Variants in KIAA1549L observed in about 807,000 individuals in gnomAD.
KIAA1549L encodes the protein UPF0606 protein KIAA1549L.
KIAA1549L carries 88 observed loss-of-function variants against 160.7 expected under a neutral mutation model. The ratio of observed to expected loss-of-function variants is 0.55; its 90% CI spans 0.46 to 0.65. KIAA1549L has a LOEUF of 0.65. Among genes scored for constraint, KIAA1549L ranks in the 30% least tolerant of loss-of-function variants. The pLI is 0.00. For synonymous variants in KIAA1549L, 950 were observed against 976.7 expected (o/e 0.97, Z 0.51); for missense variants, 2,258 against 2,437.5 (o/e 0.93, Z 1.55).
intron 1 of KIAA1549L, among the ~76,000 whole-genome samples, chr11:33,380,988 AAGGCCTGTTCTCAC>A (rs1024916963): frequency 2.0e-5 from 3 of 151,906 alleles, no homozygotes; most frequent in Non-Finnish European, 4.4e-5. Flanking sequence ...GAACAAAAAC[AAGGCCTGTTCTCAC>A]AGGGATTAGA....
chr11:33,609,759 C>T lies in KIAA1549L; in HGVS notation c.5072C>T (p.Ala1691Val), dbSNP rs1419044157. The part of the protein sequence containing the change: ...SAVLNGEVNK[A>V]LKQKSDIEHY... ...TGCCTCTCTCCCCAGGTGAACAAAG[C>T]CCTGAAGCAGAAGTCAGACATCGAG... Residue 1691 changes from alanine (A) to valine (V), a missense_variant, in exon 15 of 21, where the codon GCC (alanine) becomes GTC (valine). Around this residue, in one of 6 missense-constraint regions of KIAA1549L, gnomAD observed 1,359 missense variants for 1,546.6 expected, o/e 0.88. Transcript: ENST00000658780. The T allele has an allele frequency of 6.2e-7, 1 of 1,606,164 alleles. No individual in the cohort carries two copies. Among genetic ancestry groups the T allele is most frequent in the Non-Finnish European group, 8.5e-7 (1 of 1,176,530 alleles).
chr11:33,476,290 CTCA>C (rs1185042643), intron 1 of KIAA1549L, among the ~76,000 whole-genome samples: 2 of 152,164 alleles, frequency 1.3e-5, no homozygotes, highest in East Asian at 3.9e-4. Flanking sequence ...GGGGTGTGTG[CTCA>C]TTGGCGAAGC....
Position 33,592,587 on chromosome 11 carries a change from G to A in KIAA1549L, c.4751+1166G>A, listed in dbSNP as rs1435843692. Among the ~76,000 whole-genome samples the A allele has an allele frequency of 4.6e-5, 7 of 152,136 alleles. No individual in the cohort carries two copies. In the East Asian group the frequency reaches 9.6e-4, roughly 21 times the overall value. On this transcript the variant is annotated intron_variant, in intron 12 of 20. Transcript: ENST00000658780. Reference sequence around the variant, plus strand: ...GTATTGATCATTTGCTGTTTATCAGGCACTGGGGATATTGCTGTGAACAAG... The same window carrying A: ...GTATTGATCATTTGCTGTTTATCAGACACTGGGGATATTGCTGTGAACAAG...
chr11:33,580,633 A>AC, intron 10 of KIAA1549L, among the ~76,000 whole-genome samples: 1 of 151,682 alleles, frequency 6.6e-6, no homozygotes, highest in South Asian at 2.1e-4. Flanking sequence ...AAATAGGCTG[A>AC]CCCTCTGGTA....
intron 1 of KIAA1549L, among the ~76,000 whole-genome samples, chr11:33,523,480 G>T (rs565857955): frequency 6.6e-6 from 1 of 152,288 alleles, no homozygotes; most frequent in South Asian, 2.1e-4. Context: ...TTTAGAGAAT[G>T]TCAGGTTATC....
At chr11:33,622,543 G>A (rs1301104138) in intron 16 of KIAA1549L, among the ~76,000 whole-genome samples, 1 of 152,210 alleles carries the variant, frequency 6.6e-6, no homozygotes, top group Non-Finnish European at 1.5e-5. Context: ...AGCCTAGGCA[G>A]CAGAAAGATG....
At chr11:33,530,596 G>T (rs1853747013) in intron 1 of KIAA1549L, among the ~76,000 whole-genome samples, 1 of 150,860 alleles carries the variant, frequency 6.6e-6, no homozygotes, top group South Asian at 2.1e-4. Context: ...AAAGATGCCG[G>T]GAGAAGAAGA....
chr11:33,535,890 C>T (rs780585345), intron 1 of KIAA1549L, among the ~76,000 whole-genome samples: 1 of 152,152 alleles, frequency 6.6e-6, no homozygotes, highest in African/African-American at 2.4e-5. Context: ...TTTATTTTCT[C>T]CTTCTCCCTA....
intron 1 of KIAA1549L, among the ~76,000 whole-genome samples, chr11:33,421,562 C>T (rs76331818): frequency 0.023 from 3,553 of 152,334 alleles, 68 homozygotes; most frequent in Non-Finnish European, 0.037. Flanking sequence ...GAAGTACTGA[C>T]TTAACACTTT....
chr11:33,588,934 C>T (rs945705839), intron 11 of KIAA1549L, among the ~76,000 whole-genome samples: 12 of 152,246 alleles, frequency 7.9e-5, no homozygotes, highest in African/African-American at 2.9e-4. Context: ...TTGGAGTTAG[C>T]AATAAAACTC....
chr11:33,525,061 G>A (rs10219176), intron 1 of KIAA1549L, among the ~76,000 whole-genome samples: 2 of 152,178 alleles, frequency 1.3e-5, no homozygotes, highest in African/African-American at 2.4e-5. Flanking sequence ...TGGCAGATAG[G>A]AGACAGGACT....
intron 11 of KIAA1549L, among the ~76,000 whole-genome samples, chr11:33,588,261 A>G (rs1232228688): frequency 1.3e-5 from 2 of 152,212 alleles, no homozygotes; most frequent in Non-Finnish European, 2.9e-5. Flanking sequence ...AGCACCAAGG[A>G]CAGTCCCTAT....
chr11:33,444,414 G>C (rs528409340), intron 1 of KIAA1549L, among the ~76,000 whole-genome samples: 1 of 152,132 alleles, frequency 6.6e-6, no homozygotes, highest in Non-Finnish European at 1.5e-5. Flanking sequence ...TGTACATTGT[G>C]TGTTTTCACT....
chr11:33,582,595 T>A (rs1304297324), intron 10 of KIAA1549L, among the ~76,000 whole-genome samples: 2 of 152,230 alleles, frequency 1.3e-5, no homozygotes, highest in Non-Finnish European at 2.9e-5. Flanking sequence ...TAGGATGAGC[T>A]TTGGCAAATG....
At chr11:33,514,570 A>G (rs1259448124) in intron 1 of KIAA1549L, among the ~76,000 whole-genome samples, 2 of 152,244 alleles carry the variant, frequency 1.3e-5, no homozygotes, top group African/African-American at 4.8e-5. Flanking sequence ...GAGGCTACAG[A>G]GCAGTCTTTG....
chr11:33,636,207 G>T (rs1202651599), intron 16 of KIAA1549L, among the ~76,000 whole-genome samples: 2 of 152,128 alleles, frequency 1.3e-5, no homozygotes, highest in African/African-American at 2.4e-5. Flanking sequence ...GGCTCCAAAG[G>T]GTGAGAGTGG....
At chr11:33,446,174 A>G (rs2132958673) in intron 1 of KIAA1549L, among the ~76,000 whole-genome samples, 1 of 149,752 alleles carries the variant, frequency 6.7e-6, no homozygotes, top group East Asian at 2.0e-4. Context: ...AGCTCACTGC[A>G]ACCTCCGCCT....
intron 1 of KIAA1549L, among the ~76,000 whole-genome samples, chr11:33,468,922 T>A (rs1852117635): frequency 6.6e-6 from 1 of 152,124 alleles, no homozygotes; most frequent in Non-Finnish European, 1.5e-5. Context: ...GTAGAAAAAG[T>A]AAATGTTGAA....
chr11:33,578,136 T>G (rs980256101), intron 10 of KIAA1549L, among the ~76,000 whole-genome samples: 2 of 151,954 alleles, frequency 1.3e-5, no homozygotes, highest in Non-Finnish European at 2.9e-5. Context: ...GAGGACCGGG[T>G]GAGGCTAAGG....
Sources: allele counts gnomAD v4.1 joint callset (sites outside exome capture counted in the v4.1 genomes callset), GRCh38; gene constraint gnomAD v4.1.1; regional missense constraint gnomAD v4.1.1; transcripts MANE v1.5; gene names NCBI Gene and HGNC (gene_info 2026-07-23, HGNC 2026-07-21).